Variants in VWA3A observed in about 807,000 individuals in gnomAD.
VWA3A encodes von Willebrand factor A domain-containing protein 3A.
VWA3A carries 134 observed loss-of-function variants against 160.4 expected under a neutral mutation model. The ratio of observed to expected loss-of-function variants is 0.84; its 90% CI spans 0.73 to 0.96. The LOEUF is 0.96. VWA3A is among the 40% of genes least tolerant of loss of function. The pLI is 0.00. For synonymous variants in VWA3A, 476 were observed against 543.4 expected (o/e 0.88, Z 1.72); for missense variants, 1,310 against 1,447.9 (o/e 0.90, Z 1.55).
At chr16:22,117,219 T>C in intron 11 of VWA3A, 43 bp downstream of exon 11, 1 of 1,552,970 alleles carries the variant, frequency 6.4e-7, no homozygotes, top group Non-Finnish European at 8.7e-7. Context: ...CTTCTCTCCT[T>C]GTCTGCCTCC....
chr16:22,155,443 C>A, intron 31 of VWA3A, 124 bp from the exon 32 acceptor site: 2 of 803,986 alleles, frequency 2.5e-6, no homozygotes, highest in Non-Finnish European at 2.1e-6. Flanking sequence ...CAAGCAGAGG[C>A]TCACAAGATT....
intron 14 of VWA3A, among the ~76,000 whole-genome samples, chr16:22,121,906 G>A (rs968274268): frequency 6.6e-6 from 1 of 152,146 alleles, no homozygotes; most frequent in African/African-American, 2.4e-5. Flanking sequence ...TGTCCTCGCT[G>A]TACCTAATGC....
intron 6 of VWA3A, among the ~76,000 whole-genome samples, chr16:22,104,489 AAAAC>A (rs2045452713): frequency 6.6e-6 from 1 of 151,938 alleles, no homozygotes; most frequent in Non-Finnish European, 1.5e-5. Context: ...ACTCCCTCTC[AAAAC>A]AAACAAACGA....
intron 10 of VWA3A, 23 bp downstream of exon 10, chr16:22,116,890 G>A (rs772628375): frequency 5.6e-6 from 9 of 1,603,360 alleles, no homozygotes; most frequent in Non-Finnish European, 7.7e-6. Context: ...GATTCTCTGA[G>A]GTGCCCCTTG....
intron 8 of VWA3A, 43 bp from the exon 9 acceptor site, chr16:22,115,302 TAC>T: frequency 6.6e-7 from 1 of 1,525,888 alleles, no homozygotes; most frequent in Non-Finnish European, 8.8e-7. Context: ...TGAAATTCAA[TAC>T]AAACAGTCTT....
At chr16:22,131,463 T>TC in intron 18 of VWA3A, 122 bp from the exon 19 acceptor site, 1 of 1,498,972 alleles carries the variant, frequency 6.7e-7, no homozygotes, top group Non-Finnish European at 9.0e-7. Flanking sequence ...CATCTTCACT[T>TC]TATGAGAGTG....
Position 22,148,156 on chromosome 16 carries a change from G to A in VWA3A, c.2840-6G>A. The A allele has an allele frequency of 6.3e-7, 1 of 1,595,302 alleles. No individual in the cohort carries two copies. Among genetic ancestry groups the A allele is most frequent in the South Asian group, 1.1e-5 (1 of 87,580 alleles). ...CCCTGCCTCTTCCCCACCTGTCTCG[G>A]AGCAGGGAGCCGCCGACTGTTTGGC... is the stretch of plus-strand genomic sequence containing the variant. On this transcript the variant is annotated splice_polypyrimidine_tract_variant and splice_region_variant and intron_variant, in intron 27 of 33. Coordinates refer to ENST00000389398, the MANE Select transcript of VWA3A (RefSeq NM_173615.5).
At chr16:22,111,122 A>C in intron 8 of VWA3A, 128 bp downstream of exon 8, 5 of 763,288 alleles carry the variant, frequency 6.6e-6, no homozygotes, top group Non-Finnish European at 9.8e-6. Flanking sequence ...CAAAGAGACA[A>C]CTCACAAAAG....
At chr16:22,134,796 G>A (rs1567216561) in intron 21 of VWA3A, among the ~76,000 whole-genome samples, 1 of 152,202 alleles carries the variant, frequency 6.6e-6, no homozygotes, top group Non-Finnish European at 1.5e-5. Flanking sequence ...AGCAAAGATA[G>A]CTGGAGATTT....
At chr16:22,147,325 T>C (rs970880324) in intron 27 of VWA3A, among the ~76,000 whole-genome samples, 1 of 152,116 alleles carries the variant, frequency 6.6e-6, no homozygotes, top group Non-Finnish European at 1.5e-5. Flanking sequence ...TGTACCTCTT[T>C]ACAGAGAGCA....
In VWA3A at chr16:22,121,522, T is replaced by C. The variant is rs752766254; in HGVS notation, c.1261T>C (p.Leu421=). 6.2e-7 allele frequency: 1 copy of C among 1,612,852 alleles called. No homozygotes were observed. Among genetic ancestry groups the C allele is most frequent in the Non-Finnish European group, 8.5e-7 (1 of 1,179,358 alleles). ...TCACACTTTTTTTTCAGCCAAGAAA[T>C]TAAGTCTATATCAGGTCCTGGCACC... ...LKVNGLKAKK[L]SLYQVLAPNA... is the part of the protein sequence containing the mutation. The change falls in exon 14 of 34, where the codon TTA becomes CTA. Residue 421 remains leucine (L), a synonymous_variant. Transcript: ENST00000389398.
At chr16:22,096,158 G>A (rs1351051077) in intron 1 of VWA3A, among the ~76,000 whole-genome samples, 3 of 152,088 alleles carry the variant, frequency 2.0e-5, no homozygotes, top group South Asian at 2.1e-4. Flanking sequence ...TGCATAGGAC[G>A]GCCCCCACAG....
intron 21 of VWA3A, among the ~76,000 whole-genome samples, chr16:22,136,895 G>GCACACACACACACA (rs113954328): frequency 7.0e-6 from 1 of 142,594 alleles, no homozygotes; most frequent in Non-Finnish European, 1.5e-5. Flanking sequence ...ACACACACAC[G>GCACACACACACACA]CACACACACA....
rs188668897 is a variant in VWA3A, at chr16:22,131,785, C to T, written c.1872+56C>T. 75 of 1,558,722 alleles carry T rather than the reference C, an allele frequency of 4.8e-5. No individual in the cohort carries two copies. The East Asian group carries it at 8.8e-4, about 18-fold the overall frequency. ...TCCTTTGCGACCTCATCCGTCTTCC[C>T]CCAGGTGGATACCTTGCCAAGGTTT... is the stretch of plus-strand genomic sequence containing the variant. On this transcript the variant is annotated intron_variant, in intron 19 of 33. Coordinates refer to ENST00000389398, the MANE Select transcript of VWA3A (RefSeq NM_173615.5).
chr16:22,115,825 AG>A (rs2045621498), intron 9 of VWA3A, among the ~76,000 whole-genome samples: 1 of 129,224 alleles, frequency 7.7e-6, no homozygotes, highest in Non-Finnish European at 1.7e-5. Context: ...CAACAGAGTG[AG>A]ACCCAGGGAA....
intron 21 of VWA3A, 26 bp from the exon 22 acceptor site, chr16:22,138,334 C>A: frequency 6.4e-7 from 1 of 1,563,748 alleles, no homozygotes; most frequent in South Asian, 1.2e-5. Context: ...CTGGGGGTGC[C>A]ACTGACCCTC....
At chr16:22,093,823 G>A (rs767104130) in intron 1 of VWA3A, among the ~76,000 whole-genome samples, 3 of 152,048 alleles carry the variant, frequency 2.0e-5, no homozygotes, top group South Asian at 2.1e-4. Flanking sequence ...GGAGTGCAGC[G>A]ATGCGATCAC....
intron 6 of VWA3A, among the ~76,000 whole-genome samples, chr16:22,106,036 G>A (rs942517942): frequency 6.6e-6 from 1 of 152,206 alleles, no homozygotes. Flanking sequence ...CTTACGTGCT[G>A]TAAAAAGAAA....
intron 6 of VWA3A, among the ~76,000 whole-genome samples, chr16:22,103,979 G>C (rs913957128): frequency 8.5e-5 from 13 of 152,154 alleles, no homozygotes; most frequent in Admixed American, 2.6e-4. Flanking sequence ...TAAAAGACAG[G>C]GGGGAAGGGG....
Sources: gnomAD v4.1 joint callset for allele counts (sites outside exome capture counted in the v4.1 genomes callset) on GRCh38, gnomAD v4.1.1 for gene constraint, MANE v1.5 for transcripts, NCBI Gene and HGNC (gene_info 2026-07-23, HGNC 2026-07-21) for gene names.